TSC22D1: variants seen among roughly 807,000 people sequenced by gnomAD.
The protein encoded by TSC22D1 is TSC22 domain family protein 1.
In TSC22D1, 9 loss-of-function variants were observed where a neutral mutation model predicts 74.2. The observed-to-expected ratio is 0.12, with a 90% CI of 0.07 to 0.21. The LOEUF is 0.21. TSC22D1 is among the 10% of genes least tolerant of loss of function. The pLI is 1.00. For synonymous variants in TSC22D1, 586 were observed against 492.5 expected (o/e 1.19, Z -2.51); for missense variants, 1,427 against 1,304.7 (o/e 1.09, Z -1.44).
At chr13:44,557,817 G>T (rs575503846) in intron 1 of TSC22D1, among the ~76,000 whole-genome samples, 1 of 152,168 alleles carries the variant, frequency 6.6e-6, no homozygotes, top group Admixed American at 6.5e-5. Context: ...CCACTAGAAG[G>T]CCAGTAATCT....
At chr13:44,547,363 A>T (rs1167516580) in intron 1 of TSC22D1, among the ~76,000 whole-genome samples, 1 of 152,138 alleles carries the variant, frequency 6.6e-6, no homozygotes, top group Non-Finnish European at 1.5e-5. Context: ...TCTCTAGAGA[A>T]CTTTAATTCA....
chr13:44,552,192 C>A (rs533221574), intron 1 of TSC22D1, among the ~76,000 whole-genome samples: 1 of 152,324 alleles, frequency 6.6e-6, no homozygotes, highest in Non-Finnish European at 1.5e-5. Flanking sequence ...ATCTTATTCT[C>A]AAAATGACTT....
Position 44,574,048 on chromosome 13 carries a change from C to G in TSC22D1, c.2027G>C (p.Gly676Ala). ...AATCACTGTTGTTCCTGCTCCTACT[C>G]CTGCAGAACTGGGCTGTCCGGAGGA... ...AMSSGQPSSA[G>A]VGAGTTVIPV... The change falls in exon 1 of 3, where the codon GGA (glycine) becomes GCA (alanine). Residue 676 changes from glycine to alanine, a missense_variant. Gly to Ala is a moderately conservative substitution (Grantham distance 60, BLOSUM62 0). Transcript: ENST00000458659. The G allele has an allele frequency of 6.2e-7, 1 of 1,614,204 alleles. No homozygotes were observed. The highest frequency in any genetic ancestry group is 8.5e-7 in the Non-Finnish European group (1 of 1,180,050).
In TSC22D1 at chr13:44,434,482, A is replaced by G; in HGVS notation, c.*144T>C. The G allele has an allele frequency of 7.2e-7, 1 of 1,390,778 alleles. No homozygotes were observed. The highest frequency in any genetic ancestry group is 9.3e-7 in the Non-Finnish European group (1 of 1,078,078). The allele number at this position is 1,390,778 out of a possible 1,614,324, so 86.2% of individuals were successfully genotyped here. ...AAGCATATGAGTGTTTAATACTGGA[A>G]AAGAGATAATGGCATATGTCAGTCT... On this transcript the variant is annotated 3_prime_UTR_variant, in exon 3 of 3. Coordinates refer to ENST00000458659, the MANE Select transcript of TSC22D1 (RefSeq NM_183422.4).
At chr13:44,457,264 T>G (rs970097398) in intron 1 of TSC22D1, among the ~76,000 whole-genome samples, 1 of 152,236 alleles carries the variant, frequency 6.6e-6, no homozygotes, top group African/African-American at 2.4e-5. Context: ...CGTTTGTTAC[T>G]CTGCAAAATT....
chr13:44,537,232 T>C (rs1881201935), intron 1 of TSC22D1: 1 of 913,290 alleles, frequency 1.1e-6, no homozygotes, highest in Non-Finnish European at 1.3e-6. Flanking sequence ...GGACTTCATT[T>C]TGTGACATAA....
At chr13:44,452,801 C>A (rs1462255096) in intron 1 of TSC22D1, 1 of 152,224 alleles carries the variant, frequency 6.6e-6, no homozygotes, top group African/African-American at 2.4e-5. Flanking sequence ...TAAATCGAGG[C>A]ATTATTCACT....
intron 1 of TSC22D1, chr13:44,537,682 CTT>C: frequency 1.0e-6 from 1 of 984,716 alleles, no homozygotes; most frequent in South Asian, 4.7e-5. Context: ...GCTGTAATCA[CTT>C]ATGGGAATTC....
intron 1 of TSC22D1, among the ~76,000 whole-genome samples, chr13:44,466,775 G>GA (rs111450513): frequency 0.1 from 14,841 of 144,794 alleles, 749 homozygotes; most frequent in Non-Finnish European, 0.11. Context: ...GTCTCAAAAA[G>GA]AAAAAAAAAA....
At chr13:44,442,614 G>A (rs931636391) in intron 1 of TSC22D1, among the ~76,000 whole-genome samples, 2 of 152,016 alleles carry the variant, frequency 1.3e-5, no homozygotes, top group African/African-American at 4.8e-5. Context: ...CAGAAGAAAC[G>A]TTGAATAAAA....
At position 44,575,262 on chromosome 13, in the gene TSC22D1, G is replaced by C; in HGVS notation, c.813C>G (p.Ile271Met). 6.2e-7 allele frequency: 1 copy of C among 1,614,122 alleles called. No homozygotes were observed. The highest frequency in any genetic ancestry group is 8.5e-7 in the Non-Finnish European group (1 of 1,180,042). The stretch of plus-strand genomic sequence containing the variant: ...CAGCAGAAGTTGGTGCAACTGGTGT[G>C]ATACTGTCAGAGCTTCCAGTTGTAG... ...KLSTTGSSDSITPVAPTSAVS... is the reference protein window; with the variant it reads ...KLSTTGSSDSMTPVAPTSAVS... The change falls in exon 1 of 3, where the codon ATC becomes ATG. Residue 271 changes from isoleucine (I) to methionine (M), a missense_variant. Physicochemically the swap from Ile to Met is conservative, Grantham distance 10. This residue lies in a region of TSC22D1 where 1,343 missense variants were observed against 1,191.5 expected (regional missense o/e 1.13). Coordinates refer to ENST00000458659, the MANE Select transcript of TSC22D1 (RefSeq NM_183422.4).
At chr13:44,568,509 A>G (rs983795428) in intron 1 of TSC22D1, among the ~76,000 whole-genome samples, 3 of 152,098 alleles carry the variant, frequency 2.0e-5, no homozygotes, top group Admixed American at 1.3e-4. Context: ...AAATAATTAT[A>G]TATATATAGT....
At chr13:44,487,342 T>C (rs556116852) in intron 1 of TSC22D1, among the ~76,000 whole-genome samples, 3 of 150,598 alleles carry the variant, frequency 2.0e-5, no homozygotes, top group Admixed American at 2.0e-4. Flanking sequence ...CTACTAAAAA[T>C]ACAAAAATTA....
Position 44,573,462 on chromosome 13 carries a change from A to G in TSC22D1, c.2613T>C (p.Ser871=). Residue 871 remains serine, a synonymous_variant, in exon 1 of 3, where the codon AGT becomes AGC. Coordinates refer to ENST00000458659, the MANE Select transcript of TSC22D1 (RefSeq NM_183422.4). ...PATQNGNLVQ[S]VSQPPLIATN... is the part of the protein sequence containing the mutation. The stretch of plus-strand genomic sequence containing the variant: ...TTGCTATCAAGGGAGGTTGACTAAC[A>G]CTTTGAACCAAATTACCATTTTGGG... 1 of 1,614,242 alleles carries G rather than the reference A, an allele frequency of 6.2e-7. No homozygotes were observed. Among genetic ancestry groups the G allele is most frequent in the Admixed American group, 1.7e-5 (1 of 60,030 alleles).
intron 1 of TSC22D1, among the ~76,000 whole-genome samples, chr13:44,462,263 A>G (rs1347041413): frequency 6.6e-6 from 1 of 152,228 alleles, no homozygotes; most frequent in African/African-American, 2.4e-5. Flanking sequence ...CATTTAACTA[A>G]GCACCTTGTT....
chr13:44,576,278 G>T lies in TSC22D1; in HGVS notation c.-204C>A. 1.4e-6 allele frequency: 1 copy of T among 691,178 alleles called. No homozygotes were observed. Among genetic ancestry groups the T allele is most frequent in the Middle Eastern group, 4.2e-4 (1 of 2,390 alleles). The allele number at this position is 691,178 out of a possible 1,614,324, so 42.8% of individuals were successfully genotyped here. A position where few individuals can be genotyped will look rare whatever the true frequency, so the allele number is the denominator to read the frequency against. Reference sequence around the variant, plus strand: ...AAAGGAGGATGAACGAGGGTGAACAGGGCGGCCGGGGACCCGAAGGGGGGA... The same window carrying T: ...AAAGGAGGATGAACGAGGGTGAACATGGCGGCCGGGGACCCGAAGGGGGGA... On this transcript the variant is annotated 5_prime_UTR_variant, in exon 1 of 3. In the 5' UTR this introduces an upstream ATG that the reference lacks. Transcript: ENST00000458659.
intron 1 of TSC22D1, among the ~76,000 whole-genome samples, chr13:44,563,295 T>TGC (rs1345863430): frequency 6.6e-6 from 1 of 152,186 alleles, no homozygotes; most frequent in Admixed American, 6.5e-5. Context: ...GTGAATACAG[T>TGC]GCTTTGTCAA....
intron 1 of TSC22D1, among the ~76,000 whole-genome samples, chr13:44,481,835 A>G (rs776602569): frequency 2.0e-5 from 3 of 152,242 alleles, no homozygotes; most frequent in Non-Finnish European, 4.4e-5. Context: ...GGTGGGGGAC[A>G]TGCAATCTAG....
At chr13:44,558,136 T>G (rs1566174490) in intron 1 of TSC22D1, among the ~76,000 whole-genome samples, 1 of 152,210 alleles carries the variant, frequency 6.6e-6, no homozygotes, top group Non-Finnish European at 1.5e-5. Context: ...GACTGCTTTT[T>G]ATAGTTGTCA....
Sources: gnomAD v4.1 joint callset for allele counts (sites outside exome capture counted in the v4.1 genomes callset) on GRCh38, gnomAD v4.1.1 for gene constraint, gnomAD v4.1.1 regional missense constraint, MANE v1.5 for transcripts, NCBI Gene and HGNC (gene_info 2026-07-23, HGNC 2026-07-21) for gene names.